Variants in AGBL4 observed in about 807,000 individuals in gnomAD.
AGBL4 encodes cytosolic carboxypeptidase 6.
Under a neutral mutation model 66.4 loss-of-function variants are expected in AGBL4, and 58 were observed. The ratio of observed to expected loss-of-function variants is 0.87; its 90% CI spans 0.71 to 1.09. The LOEUF (loss-of-function observed/expected upper bound fraction) is 1.09, where lower values mean the gene tolerates loss of function less well. Ranked by LOEUF, AGBL4 falls within the 50% of genes least tolerant of loss-of-function variation. The pLI is 0.00. For missense variants in AGBL4, 579 were observed against 631.0 expected (o/e 0.92, Z 0.88); for synonymous variants, 234 against 222.9 (o/e 1.05, Z -0.44).
At chr1:49,372,368 C>T (rs1644363728) in intron 3 of AGBL4, among the ~76,000 whole-genome samples, 1 of 152,088 alleles carries the variant, frequency 6.6e-6, no homozygotes, top group Admixed American at 6.6e-5. Context: ...TTGTGACTTA[C>T]AGTATAATAC....
chr1:49,324,673 A>G (rs1645194524), intron 3 of AGBL4, among the ~76,000 whole-genome samples: 1 of 152,226 alleles, frequency 6.6e-6, no homozygotes, highest in African/African-American at 2.4e-5. Context: ...AGCATCTGAC[A>G]TTATTCCTCC....
At chr1:49,521,170 A>G (rs1650233078) in intron 3 of AGBL4, among the ~76,000 whole-genome samples, 1 of 152,054 alleles carries the variant, frequency 6.6e-6, no homozygotes, top group South Asian at 2.1e-4. Context: ...AATTGCCATC[A>G]AGAAAAATTT....
At chr1:49,059,311 G>A (rs530374028) in intron 4 of AGBL4, among the ~76,000 whole-genome samples, 4 of 152,240 alleles carry the variant, frequency 2.6e-5, no homozygotes, top group African/African-American at 4.8e-5. Context: ...TTCAGAGGGC[G>A]CAAGCTCCAA....
At chr1:49,545,070 C>A (rs900169411) in intron 3 of AGBL4, among the ~76,000 whole-genome samples, 2 of 152,118 alleles carry the variant, frequency 1.3e-5, no homozygotes, top group African/African-American at 4.8e-5. Context: ...CCGTTTAATT[C>A]CTCTCCAATA....
chr1:48,736,542 A>T lies in AGBL4; in HGVS notation c.635-73301T>A. ...GTCCTTTAAAAAGCATTGCTGCACAACTGTAAGAGATTCATGTCATAAATA... is the reference window on the plus strand; with the variant it reads ...GTCCTTTAAAAAGCATTGCTGCACATCTGTAAGAGATTCATGTCATAAATA... On this transcript the variant is annotated intron_variant, in intron 6 of 13. Transcript: ENST00000371839. This position sits in a 1 kb window ranked among gnomAD's most constrained non-coding sequence, Gnocchi z 4.0. The T allele has an allele frequency of 9.2e-7, 1 of 1,086,838 alleles. No homozygotes were observed. Among genetic ancestry groups the T allele is most frequent in the Non-Finnish European group, 1.4e-6 (1 of 726,694 alleles). 67.3% of individuals were successfully genotyped at this position (1,086,838 alleles called of 1,614,324 possible).
chr1:48,948,869 TA>T (rs77534382), intron 5 of AGBL4, among the ~76,000 whole-genome samples: 3,226 of 141,362 alleles, frequency 0.023, 44 homozygotes, highest in Middle Eastern at 0.069. Context: ...CATAAAAGAC[TA>T]AAAAAAAAAA....
intron 6 of AGBL4, among the ~76,000 whole-genome samples, chr1:48,811,797 T>C (rs1016359868): frequency 6.6e-6 from 1 of 151,954 alleles, no homozygotes; most frequent in South Asian, 2.1e-4. Context: ...ACAGATAGGG[T>C]ATGTACGGAG....
intron 6 of AGBL4, among the ~76,000 whole-genome samples, chr1:48,715,544 C>G (rs1270111905): frequency 1.3e-5 from 2 of 152,182 alleles, no homozygotes; most frequent in East Asian, 3.9e-4. Flanking sequence ...TAGTGCAGCA[C>G]CTAGCCCAGA....
intron 1 of AGBL4, among the ~76,000 whole-genome samples, chr1:49,866,440 G>T (rs772107160): frequency 6.6e-6 from 1 of 152,122 alleles, no homozygotes; most frequent in African/African-American, 2.4e-5. Flanking sequence ...AGCCAGAAGA[G>T]AATAAGAGCC....
At chr1:49,283,249 A>C (rs374320570) in intron 3 of AGBL4, among the ~76,000 whole-genome samples, 11 of 152,220 alleles carry the variant, frequency 7.2e-5, no homozygotes, top group Admixed American at 3.3e-4. Flanking sequence ...AGGCACCCCC[A>C]AGCAGGGGCA....
chr1:48,779,365 C>G (rs1296461875), intron 6 of AGBL4, among the ~76,000 whole-genome samples: 2 of 152,312 alleles, frequency 1.3e-5, no homozygotes, highest in African/African-American at 4.8e-5. Context: ...AGCTTTTGTG[C>G]TTTTTCTGCC....
chr1:48,967,593 T>C (rs1658547788), intron 5 of AGBL4, among the ~76,000 whole-genome samples: 1 of 152,150 alleles, frequency 6.6e-6, no homozygotes, highest in South Asian at 2.1e-4. Flanking sequence ...AGAAGCTGAA[T>C]AACAAATTTA....
intron 1 of AGBL4, among the ~76,000 whole-genome samples, chr1:49,928,712 G>A (rs1571889489): frequency 6.6e-6 from 1 of 152,116 alleles, no homozygotes; most frequent in East Asian, 1.9e-4. Context: ...ATTACAGTAA[G>A]GCACATATAA....
At chr1:48,739,007 C>A (rs1649494093) in intron 6 of AGBL4, among the ~76,000 whole-genome samples, 2 of 152,190 alleles carry the variant, frequency 1.3e-5, no homozygotes, top group South Asian at 4.1e-4. Context: ...AACCCAAATC[C>A]TGAAGCTTCT....
intron 3 of AGBL4, among the ~76,000 whole-genome samples, chr1:49,606,507 C>T (rs1346235433): frequency 1.3e-5 from 2 of 152,070 alleles, no homozygotes; most frequent in African/African-American, 2.4e-5. Flanking sequence ...CTTTAAAGTA[C>T]TCAGAGTGGT....
chr1:49,441,972 G>A (rs970388597), intron 3 of AGBL4, among the ~76,000 whole-genome samples: 16 of 152,288 alleles, frequency 1.1e-4, no homozygotes, highest in Non-Finnish European at 1.9e-4. Context: ...CAACTGCTGA[G>A]TGCCCAATTT....
At chr1:49,444,639 TC>T (rs1387728028) in intron 3 of AGBL4, among the ~76,000 whole-genome samples, 1 of 152,048 alleles carries the variant, frequency 6.6e-6, no homozygotes, top group Non-Finnish European at 1.5e-5. Context: ...TCTTTTTCCA[TC>T]CCTTTACTTC....
chr1:49,188,327 T>C (rs1219887582), intron 4 of AGBL4, among the ~76,000 whole-genome samples: 1 of 152,130 alleles, frequency 6.6e-6, no homozygotes, highest in African/African-American at 2.4e-5. Flanking sequence ...TGTGCACCTA[T>C]ACAATGCTGG....
chr1:49,991,242 A>G (rs970583756), intron 1 of AGBL4, among the ~76,000 whole-genome samples: 3 of 152,192 alleles, frequency 2.0e-5, no homozygotes, highest in Admixed American at 2.0e-4. Flanking sequence ...TTTTGAGTCC[A>G]AAGACCCTCA....
Sources: gnomAD v4.1 joint callset for allele counts (sites outside exome capture counted in the v4.1 genomes callset) on GRCh38, gnomAD v4.1.1 for gene constraint, Gnocchi (gnomAD v3.1) non-coding constraint, MANE v1.5 for transcripts, NCBI Gene and HGNC (gene_info 2026-07-23, HGNC 2026-07-21) for gene names.